Variants in DYM observed in about 807,000 individuals in gnomAD.
DYM encodes dymeclin, also known as dyggve-Melchior-Clausen syndrome protein.
In DYM, 78 loss-of-function variants were observed where a neutral mutation model predicts 93.1. The ratio of observed to expected loss-of-function variants is 0.84; its 90% confidence interval spans 0.70 to 1.01. The LOEUF (loss-of-function observed/expected upper bound fraction) is 1.01, where lower values mean the gene tolerates loss of function less well. Ranked by LOEUF, DYM falls within the 50% of genes least tolerant of loss-of-function variation. The probability of loss-of-function intolerance (pLI) is 0.00; values close to 1 mark genes in which losing one functional copy is unlikely to be tolerated. For synonymous variants in DYM, 321 were observed against 319.7 expected (o/e 1.00, Z -0.04); for missense variants, 789 against 845.0 (o/e 0.93, Z 0.82).
At chr18:49,080,312 C>T (rs572840365) in intron 17 of DYM, among the ~76,000 whole-genome samples, 1 of 136,930 alleles carries the variant, frequency 7.3e-6, no homozygotes, top group African/African-American at 2.8e-5. Flanking sequence ...ACCTCCCGGA[C>T]GGGGTGGCTG....
chr18:49,065,642 A>G (rs1389593444), intron 17 of DYM, among the ~76,000 whole-genome samples: 1 of 152,070 alleles, frequency 6.6e-6, no homozygotes, highest in Non-Finnish European at 1.5e-5. Context: ...GATTACAGGC[A>G]TGAGCCACTG....
intron 17 of DYM, among the ~76,000 whole-genome samples, chr18:49,076,850 G>A (rs1318863315): frequency 1.3e-5 from 2 of 152,188 alleles, no homozygotes; most frequent in Non-Finnish European, 2.9e-5. Flanking sequence ...GAGAAGGAAT[G>A]TGGAGAAAGA....
intron 6 of DYM, among the ~76,000 whole-genome samples, chr18:49,351,544 C>A (rs1385364053): frequency 6.6e-6 from 1 of 151,016 alleles, no homozygotes; most frequent in East Asian, 1.9e-4. Flanking sequence ...TTTCAGAATT[C>A]TAAAGACAAA....
rs993217699 is a variant in DYM at position 49,332,556 on chromosome 18, A to G, written c.621-550T>C. Among the ~76,000 whole-genome samples, 3 of 152,210 alleles carry G rather than the reference A, an allele frequency of 2.0e-5. No individual in the cohort carries two copies. The East Asian group carries it at 5.8e-4, about 29-fold the overall frequency. ...GCAAGAATTTAAAAATAACAATAGG[A>G]CTACACTTTTTAAGTATGAAATTAT... On this transcript the variant is annotated intron_variant, in intron 7 of 17. Coordinates refer to ENST00000675505, the MANE Select transcript of DYM (RefSeq NM_001353214.3).
chr18:49,217,126 A>G (rs1007290956), intron 13 of DYM, among the ~76,000 whole-genome samples: 1 of 152,264 alleles, frequency 6.6e-6, no homozygotes, highest in African/African-American at 2.4e-5. Context: ...TCAGGAGCCA[A>G]TGCGATCAAC....
At chr18:49,104,238 C>T (rs1264244565) in intron 16 of DYM, among the ~76,000 whole-genome samples, 1 of 152,138 alleles carries the variant, frequency 6.6e-6, no homozygotes, top group Non-Finnish European at 1.5e-5. Flanking sequence ...TATAAGAATG[C>T]TTGTGATTTT....
chr18:49,055,337 G>A (rs1315675457), intron 17 of DYM, among the ~76,000 whole-genome samples: 1 of 152,162 alleles, frequency 6.6e-6, no homozygotes, highest in Admixed American at 6.5e-5. Flanking sequence ...GACAGATGGA[G>A]GACAGAGACT....
At chr18:49,088,863 C>A (rs995674652) in intron 17 of DYM, among the ~76,000 whole-genome samples, 1 of 152,170 alleles carries the variant, frequency 6.6e-6, no homozygotes. Flanking sequence ...AGGATCAGGG[C>A]TCACTGCAGC....
chr18:49,081,523 AGAGGGGAGAGG>A (rs2078020565), intron 17 of DYM, among the ~76,000 whole-genome samples: 1 of 346 alleles, frequency 2.9e-3, no homozygotes, highest in South Asian at 0.17. Context: ...ACCGAGAGGG[AGAGGGGAGAGG>A]GGAGAGGGGA....
intron 8 of DYM, among the ~76,000 whole-genome samples, chr18:49,309,452 C>T (rs898050419): frequency 6.6e-6 from 1 of 151,990 alleles, no homozygotes; most frequent in East Asian, 1.9e-4. Flanking sequence ...CTGGGCAACA[C>T]AGCAAGATGC....
chr18:49,311,409 C>G (rs1387789292), intron 8 of DYM, among the ~76,000 whole-genome samples: 2 of 152,150 alleles, frequency 1.3e-5, no homozygotes, highest in African/African-American at 4.8e-5. Flanking sequence ...AAAGGTAGGT[C>G]TGTAAGAATT....
chr18:49,161,049 T>C (rs1049933322), intron 15 of DYM, among the ~76,000 whole-genome samples: 5 of 150,846 alleles, frequency 3.3e-5, no homozygotes, highest in South Asian at 4.2e-4. Flanking sequence ...ATTTGGAAAA[T>C]GTTGTGATTT....
At chr18:49,379,864 G>T in intron 3 of DYM, 106 bp from the exon 4 acceptor site, 1 of 874,252 alleles carries the variant, frequency 1.1e-6, no homozygotes, top group Non-Finnish European at 1.9e-6. Flanking sequence ...ATTGCTCAGT[G>T]ACCAACTTTA....
At chr18:49,420,549 A>G (rs184104871) in intron 2 of DYM, among the ~76,000 whole-genome samples, 2 of 152,252 alleles carry the variant, frequency 1.3e-5, no homozygotes, top group African/African-American at 4.8e-5. Context: ...AGGTTCCAAG[A>G]TGGCTGAATA....
At chr18:49,385,261 A>G (rs997527468) in intron 3 of DYM, among the ~76,000 whole-genome samples, 2 of 152,218 alleles carry the variant, frequency 1.3e-5, no homozygotes, top group Admixed American at 6.5e-5. Context: ...AAGCTGGCAA[A>G]CGTTTTTCCT....
At chr18:49,100,495 A>G (rs779050170) in intron 16 of DYM, among the ~76,000 whole-genome samples, 8 of 152,112 alleles carry the variant, frequency 5.3e-5, no homozygotes, top group Non-Finnish European at 1.0e-4. Flanking sequence ...TTCCACTGGG[A>G]GAGCTGCAGA....
chr18:49,301,259 G>A (rs1301908255), intron 8 of DYM, among the ~76,000 whole-genome samples: 11 of 152,122 alleles, frequency 7.2e-5, no homozygotes, highest in East Asian at 1.9e-4. Context: ...GGTGGCTCAC[G>A]CCTGTAATCC....
At chr18:49,203,609 A>G (rs1438042123) in intron 14 of DYM, among the ~76,000 whole-genome samples, 3 of 141,740 alleles carry the variant, frequency 2.1e-5, no homozygotes, top group Admixed American at 1.4e-4. Flanking sequence ...TAAATGGTTT[A>G]AGGGCGGTGC....
In DYM at chr18:49,380,882, G is replaced by T. The variant is rs2067983726; in HGVS notation, c.194-1124C>A. On this transcript the variant is annotated intron_variant, in intron 3 of 17. Coordinates refer to ENST00000675505, the MANE Select transcript of DYM (RefSeq NM_001353214.3). ...AGTCCTGGATAATTGTTTCTCTTCT[G>T]AAGTATTTTTAACTAGTTTGAAAAC... Among the ~76,000 whole-genome samples, 6 of 152,190 alleles carry T rather than the reference G, an allele frequency of 3.9e-5. No individual in the cohort carries two copies. The South Asian group carries it at 1.2e-3, about 32-fold the overall frequency.
Sources: allele counts gnomAD v4.1 joint callset (sites outside exome capture counted in the v4.1 genomes callset), GRCh38; gene constraint gnomAD v4.1.1; transcripts MANE v1.5; gene names NCBI Gene and HGNC (gene_info 2026-07-23, HGNC 2026-07-21).